GRM8: variants seen among roughly 807,000 people sequenced by gnomAD.
The protein encoded by GRM8 is glutamate metabotropic receptor 8.
Under a neutral mutation model 87.2 loss-of-function variants are expected in GRM8, and 47 were observed. That is an observed-to-expected ratio of 0.54 (90% CI 0.43 to 0.69). The LOEUF (loss-of-function observed/expected upper bound fraction) is 0.69, where lower values mean the gene tolerates loss of function less well. Ranked by LOEUF, GRM8 falls within the 30% of genes least tolerant of loss-of-function variation. The pLI is 0.00. For synonymous variants in GRM8, 396 were observed against 404.5 expected, an observed-to-expected ratio of 0.98 and a Z score of 0.25; for missense variants, 1,019 against 1,139.2, an observed-to-expected ratio of 0.89 and a Z score of 1.52.
chr7:126,567,278 A>C (rs1255470775), intron 8 of GRM8, among the ~76,000 whole-genome samples: 2 of 152,012 alleles, frequency 1.3e-5, no homozygotes, highest in African/African-American at 4.8e-5. Context: ...GAAGCTGGAA[A>C]CCATCATTCT....
intron 2 of GRM8, among the ~76,000 whole-genome samples, chr7:127,122,284 G>A (rs1267461183): frequency 6.6e-6 from 1 of 152,062 alleles, no homozygotes; most frequent in Non-Finnish European, 1.5e-5. Flanking sequence ...CACATTTTCG[G>A]TGCTTAAATG....
At chr7:126,723,665 G>A (rs145791906) in intron 7 of GRM8, among the ~76,000 whole-genome samples, 1 of 152,238 alleles carries the variant, frequency 6.6e-6, no homozygotes, top group East Asian at 1.9e-4. Context: ...GCACTCATAG[G>A]TGTGGGCAAA....
intron 8 of GRM8, among the ~76,000 whole-genome samples, chr7:126,556,047 C>T (rs973478346): frequency 2.0e-5 from 3 of 152,124 alleles, no homozygotes; most frequent in Non-Finnish European, 2.9e-5. Context: ...CTTTCTTACC[C>T]TTACTTCCCC....
intron 3 of GRM8, among the ~76,000 whole-genome samples, chr7:126,958,610 G>C (rs1256687411): frequency 6.6e-6 from 1 of 152,102 alleles, no homozygotes; most frequent in African/African-American, 2.4e-5. Flanking sequence ...AGCAGGTGTG[G>C]GATCCAGACT....
chr7:126,589,761 G>A (rs1039443210), intron 8 of GRM8, among the ~76,000 whole-genome samples: 1 of 152,132 alleles, frequency 6.6e-6, no homozygotes, highest in Non-Finnish European at 1.5e-5. Context: ...AGCAGGTGCT[G>A]CTATCCATGA....
At chr7:126,580,768 T>A (rs943836059) in intron 8 of GRM8, among the ~76,000 whole-genome samples, 2 of 152,098 alleles carry the variant, frequency 1.3e-5, no homozygotes, top group South Asian at 4.1e-4. Flanking sequence ...AAATATGTAA[T>A]TCAACTTAGA....
At chr7:126,599,794 T>C (rs1797558501) in intron 8 of GRM8, among the ~76,000 whole-genome samples, 1 of 152,144 alleles carries the variant, frequency 6.6e-6, no homozygotes. Flanking sequence ...GATGTATTAG[T>C]ATGGGCTCAT....
chr7:126,838,450 G>A (rs1249526671), intron 6 of GRM8, among the ~76,000 whole-genome samples: 2 of 152,156 alleles, frequency 1.3e-5, no homozygotes, highest in African/African-American at 4.8e-5. Flanking sequence ...GAATTAAAGA[G>A]TAATGTAAGC....
In GRM8 at chr7:127,194,389, A is replaced by G. The variant is rs189380065; in HGVS notation, c.510+48306T>C. Among the ~76,000 whole-genome samples the G allele has an allele frequency of 3.9e-5, 6 of 152,326 alleles. No individual in the cohort carries two copies. The East Asian group carries it at 9.6e-4, about 24-fold the overall frequency. The stretch of plus-strand genomic sequence containing the variant: ...TATTATCATTATGAGTACTGTTATT[A>G]TCAGGGTGTCAGATTAGGTTATCTT... On this transcript the variant is annotated intron_variant, in intron 2 of 10. Transcript: ENST00000339582.
intron 3 of GRM8, among the ~76,000 whole-genome samples, chr7:126,909,321 G>A (rs552222260): frequency 2.0e-5 from 3 of 151,868 alleles, no homozygotes; most frequent in Admixed American, 1.3e-4. Context: ...TCAAAGATAC[G>A]TTTTCCATAC....
chr7:126,952,997 T>C (rs914204295), intron 3 of GRM8, among the ~76,000 whole-genome samples: 1 of 152,088 alleles, frequency 6.6e-6, no homozygotes, highest in Admixed American at 6.6e-5. Flanking sequence ...TTCTGATAAT[T>C]GCACTCCAGT....
In GRM8 at chr7:127,252,176, G is replaced by A. The variant is rs1483053985; in HGVS notation, c.-312+621C>T. ...TCCGGATTCCACCAGGGCAGGTCCG[G>A]GAGGTCACCCAGGGCAGACGATCCG... On this transcript the variant is annotated intron_variant, in intron 1 of 10. Coordinates refer to ENST00000339582, the MANE Select transcript of GRM8 (RefSeq NM_000845.3). The surrounding 1 kb of genome is among the most constrained non-coding windows in gnomAD (Gnocchi z 4.9). The A allele has an allele frequency of 1.3e-5, 2 of 152,290 alleles. No homozygotes were observed. Among genetic ancestry groups the A allele is most frequent in the Non-Finnish European group, 2.9e-5 (2 of 68,154 alleles). The allele number at this position is 152,290 out of a possible 1,614,324, so 9.4% of individuals were successfully genotyped here.
intron 2 of GRM8, among the ~76,000 whole-genome samples, chr7:127,188,762 G>A (rs903757103): frequency 2.0e-5 from 3 of 152,172 alleles, no homozygotes; most frequent in South Asian, 2.1e-4. Flanking sequence ...TGTCCAGGGA[G>A]TCAAATCCAA....
intron 6 of GRM8, among the ~76,000 whole-genome samples, chr7:126,806,463 T>C (rs996492828): frequency 6.6e-6 from 1 of 152,220 alleles, no homozygotes; most frequent in African/African-American, 2.4e-5. Context: ...TGTGGCTGCT[T>C]GCGCAGCTGG....
chr7:127,121,016 T>C (rs1466396518), intron 2 of GRM8, among the ~76,000 whole-genome samples: 3 of 152,192 alleles, frequency 2.0e-5, no homozygotes, highest in Non-Finnish European at 4.4e-5. Flanking sequence ...GATGAGTTTT[T>C]GAAAAATAAA....
At chr7:126,855,789 T>C (rs1056057316) in intron 6 of GRM8, among the ~76,000 whole-genome samples, 1 of 152,150 alleles carries the variant, frequency 6.6e-6, no homozygotes, top group African/African-American at 2.4e-5. Flanking sequence ...TATGATTTTT[T>C]ATATCCCACA....
chr7:126,973,025 C>CTTTA (rs2131789112), intron 3 of GRM8, among the ~76,000 whole-genome samples: 1 of 152,292 alleles, frequency 6.6e-6, no homozygotes, highest in African/African-American at 2.4e-5. Context: ...ATCCAATAAA[C>CTTTA]TTTATTAGGT....
chr7:126,600,385 C>T (rs1043938026), intron 8 of GRM8, among the ~76,000 whole-genome samples: 1 of 152,126 alleles, frequency 6.6e-6, no homozygotes, highest in African/African-American at 2.4e-5. Context: ...ATATGCATGG[C>T]TTCTGACTAG....
intron 3 of GRM8, among the ~76,000 whole-genome samples, chr7:127,027,162 T>G (rs1048747784): frequency 6.6e-6 from 1 of 152,194 alleles, no homozygotes; most frequent in Non-Finnish European, 1.5e-5. Context: ...TGGTGTTATT[T>G]CTGAGGACTT....
Sources: allele counts gnomAD v4.1 joint callset (sites outside exome capture counted in the v4.1 genomes callset), GRCh38; gene constraint gnomAD v4.1.1; non-coding constraint Gnocchi (gnomAD v3.1); transcripts MANE v1.5; gene names NCBI Gene and HGNC (gene_info 2026-07-23, HGNC 2026-07-21).